The following FCSK variants were observed in gnomAD, a reference collection of about 807,000 sequenced individuals.
The protein encoded by FCSK is fucose kinase.
Under a neutral mutation model 122.5 loss-of-function variants are expected in FCSK, and 123 were observed. That is an observed-to-expected ratio of 1.00 (90% CI 0.87 to 1.17). The LOEUF is 1.17. FCSK is among the 50% of genes most tolerant of loss of function. The pLI is 0.00. For synonymous variants in FCSK, 620 were observed against 625.5 expected (o/e 0.99, Z 0.13); for missense variants, 1,366 against 1,450.4 (o/e 0.94, Z 0.95).
chr16:70,474,305 G>A lies in FCSK; in HGVS notation c.1954G>A (p.Ala652Thr). 2 of 1,613,642 alleles carry A rather than the reference G, an allele frequency of 1.2e-6. No individual in the cohort carries two copies. Among genetic ancestry groups the A allele is most frequent in the South Asian group, 1.1e-5 (1 of 91,068 alleles). Residue 652 changes from alanine (A) to threonine (T), a missense_variant, in exon 16 of 24, where the codon GCG (alanine) becomes ACG (threonine). By Grantham distance (58) the Ala-to-Thr change is moderately conservative (BLOSUM62 0). Transcript: ENST00000288078. Reference sequence around the variant, plus strand: ...TGGAGACCTGGCAGCGGGCGTGGAGGCGCTTGCCCAGGAGAGGGACAAGTG... The same window carrying A: ...TGGAGACCTGGCAGCGGGCGTGGAGACGCTTGCCCAGGAGAGGGACAAGTG... ...ECGDLAAGVE[A>T]LAQERDKWLS...
intron 19 of FCSK, 48 bp from the exon 20 acceptor site, chr16:70,475,600 G>A: frequency 1.9e-6 from 3 of 1,576,308 alleles, no homozygotes; most frequent in Non-Finnish European, 2.6e-6. Flanking sequence ...GGCAGGCCTG[G>A]GCAGGGTGGA....
rs1208465575 is a variant in FCSK, at chr16:70,471,311, G to A, written c.1300G>A (p.Gly434Ser). The change falls in exon 13 of 24, where the codon GGC becomes AGC. Residue 434 changes from glycine (G) to serine (S), a missense_variant. Physicochemically the swap from Gly to Ser is moderately conservative, Grantham distance 56. Coordinates refer to ENST00000288078, the MANE Select transcript of FCSK (RefSeq NM_145059.3). ...GHHTRLHGSP[G>S]HAFTLVGRLD... is the part of the protein sequence containing the mutation. ...CCACACGCGGCTACACGGCTCCCCG[G>A]GCCACGCCTTCACCCTCGTTGGCCG... The A allele has an allele frequency of 3.1e-6, 5 of 1,601,050 alleles. No homozygotes were observed. The highest frequency in any genetic ancestry group is 3.4e-6 in the Non-Finnish European group (4 of 1,174,242).
chr16:70,478,849 A>C, intron 22 of FCSK, 199 bp downstream of exon 22: 1 of 702,468 alleles, frequency 1.4e-6, no homozygotes, highest in South Asian at 1.5e-5. Flanking sequence ...TCATCATGGG[A>C]AAGGCCCTCC....
rs754271403 is a variant in FCSK, at chr16:70,473,163, C to T, written c.1587C>T (p.Ser529=). ...LRAWRASWRL[S]WEQLQPCLDR... ...CCTGGCGGGCCTCCTGGCGCCTGTC[C>T]TGGGAGCAGCTGCAGCCGTGCCTGG... Residue 529 remains serine (S), a synonymous_variant, in exon 15 of 24, where the codon TCC becomes TCT. Coordinates refer to ENST00000288078, the MANE Select transcript of FCSK (RefSeq NM_145059.3). This position sits in a 1 kb window ranked among gnomAD's most constrained non-coding sequence, Gnocchi z 4.9. 2 of 1,544,922 alleles carry T rather than the reference C, an allele frequency of 1.3e-6. No homozygotes were observed. Among genetic ancestry groups the T allele is most frequent in the Non-Finnish European group, 8.7e-7 (1 of 1,148,134 alleles).
At chr16:70,475,230 T>C in intron 18 of FCSK, 120 bp from the exon 19 acceptor site, 1 of 1,235,668 alleles carries the variant, frequency 8.1e-7, no homozygotes, top group Non-Finnish European at 1.1e-6. Context: ...GGGCCAGTAC[T>C]GCTGCTGGGC....
chr16:70,475,277 A>G, intron 18 of FCSK, 73 bp from the exon 19 acceptor site: 1 of 1,553,506 alleles, frequency 6.4e-7, no homozygotes, highest in Non-Finnish European at 8.8e-7. Flanking sequence ...CTGGGCTGGG[A>G]AGTCCAGGGT....
chr16:70,475,842 T>C, intron 20 of FCSK, 75 bp downstream of exon 20: 1 of 1,394,950 alleles, frequency 7.2e-7, no homozygotes, highest in Non-Finnish European at 9.5e-7. Flanking sequence ...GGGGCTCCCC[T>C]GGATTTGCAT....
chr16:70,466,087 G>C (rs768030766), intron 4 of FCSK, 45 bp from the exon 5 acceptor site: 2 of 1,597,622 alleles, frequency 1.3e-6, no homozygotes, highest in Non-Finnish European at 1.7e-6. Context: ...AGGTGGCCTT[G>C]GGCTCTGTGC....
intron 1 of FCSK, among the ~76,000 whole-genome samples, chr16:70,456,451 G>A (rs2048096402): frequency 6.6e-6 from 1 of 152,090 alleles, no homozygotes. Flanking sequence ...AATCTCTCAG[G>A]GGATGTCCCT....
intron 11 of FCSK, 25 bp downstream of exon 11, chr16:70,470,451 G>GCC (rs758484901): frequency 2.2e-5 from 31 of 1,439,398 alleles, no homozygotes; most frequent in Non-Finnish European, 2.7e-5. Flanking sequence ...CCCCTCCGGT[G>GCC]CCTGCTGGTT....
intron 1 of FCSK, among the ~76,000 whole-genome samples, chr16:70,462,909 T>G (rs760519221): frequency 2.0e-5 from 3 of 152,122 alleles, no homozygotes; most frequent in Non-Finnish European, 4.4e-5. Flanking sequence ...CCTCCCAAAG[T>G]GCTAGGATTG....
chr16:70,469,203 G>A lies in FCSK; in HGVS notation c.835G>A (p.Glu279Lys). 2 of 1,614,078 alleles carry A rather than the reference G, an allele frequency of 1.2e-6. No homozygotes were observed. The highest frequency in any genetic ancestry group is 1.1e-5 in the South Asian group (1 of 91,084). The change falls in exon 10 of 24, where the codon GAG becomes AAG. Residue 279 changes from glutamate to lysine, a missense_variant. By Grantham distance (56) the Glu-to-Lys change is moderately conservative. Coordinates refer to ENST00000288078, the MANE Select transcript of FCSK (RefSeq NM_145059.3). The part of the protein sequence containing the change: ...LHCMAENVTR[E>K]DFLVGRPPEL... Reference sequence around the variant, plus strand: ...CTGCATGGCTGAGAACGTGACCAGGGAGGACTTCCTGGTGGGGAGGCCCCC... The same window carrying A: ...CTGCATGGCTGAGAACGTGACCAGGAAGGACTTCCTGGTGGGGAGGCCCCC...
chr16:70,475,107 C>T, intron 18 of FCSK, 96 bp downstream of exon 18: 1 of 1,218,712 alleles, frequency 8.2e-7, no homozygotes, highest in Non-Finnish European at 1.1e-6. Flanking sequence ...GGCCTGAGGG[C>T]CAGCCAGTCT....
Position 70,473,409 on chromosome 16 carries a change from T to TGTCTCCCTG in FCSK, c.1777+59_1777+60insTCCCTGGTC. Reference sequence around the variant, plus strand: ...TCAGGCCAGGGGCACCTGCCCTCCCTGTCCTCTGGGCCATCCCCTGAGGGG... The same window carrying TGTCTCCCTG: ...TCAGGCCAGGGGCACCTGCCCTCCCTGTCTCCCTGGTCCTCTGGGCCATCCCCTGAGGGG... On this transcript the variant is annotated intron_variant, in intron 15 of 23. Coordinates refer to ENST00000288078, the MANE Select transcript of FCSK (RefSeq NM_145059.3). The surrounding 1 kb of genome is among the most constrained non-coding windows in gnomAD (Gnocchi z 4.9). The TGTCTCCCTG allele has an allele frequency of 6.9e-7, 1 of 1,449,382 alleles. No individual in the cohort carries two copies. Among genetic ancestry groups the TGTCTCCCTG allele is most frequent in the Non-Finnish European group, 9.1e-7 (1 of 1,096,972 alleles). 89.8% of individuals were successfully genotyped at this position (1,449,382 alleles called of 1,614,324 possible). A position where few individuals can be genotyped will look rare whatever the true frequency, so the allele number is the denominator to read the frequency against.
chr16:70,475,589 AG>A, intron 19 of FCSK, 58 bp from the exon 20 acceptor site: 2 of 1,577,622 alleles, frequency 1.3e-6, no homozygotes, highest in Non-Finnish European at 8.6e-7. Flanking sequence ...AGACGGAGTC[AG>A]GCAGGCCTGG....
At chr16:70,478,765 GGGAA>G in intron 22 of FCSK, 115 bp downstream of exon 22, 1 of 845,626 alleles carries the variant, frequency 1.2e-6, no homozygotes, top group Non-Finnish European at 1.9e-6. Context: ...TTCGGCCTCT[GGGAA>G]CAGAAGCCTA....
chr16:70,478,077 T>C, intron 20 of FCSK, 195 bp from the exon 21 acceptor site: 4 of 590,802 alleles, frequency 6.8e-6, no homozygotes, highest in South Asian at 6.5e-5. Context: ...ATTCCAAGCT[T>C]TGCCCTAGAG....
At chr16:70,466,304 C>A in intron 5 of FCSK, 47 bp downstream of exon 5, 1 of 1,607,576 alleles carries the variant, frequency 6.2e-7, no homozygotes, top group Non-Finnish European at 8.5e-7. Flanking sequence ...GATAGAGCCA[C>A]TTCCCTCCCA....
At chr16:70,479,003 C>A in intron 22 of FCSK, 177 bp from the exon 23 acceptor site, 1 of 650,384 alleles carries the variant, frequency 1.5e-6, no homozygotes, top group Non-Finnish European at 2.7e-6. Context: ...TTGCTTCCTG[C>A]ACATTGGTCC....
Sources: gnomAD v4.1 joint callset for allele counts (sites outside exome capture counted in the v4.1 genomes callset) on GRCh38, gnomAD v4.1.1 for gene constraint, Gnocchi (gnomAD v3.1) non-coding constraint, MANE v1.5 for transcripts, NCBI Gene and HGNC (gene_info 2026-07-23, HGNC 2026-07-21) for gene names.